TMEFF2: variants seen among roughly 807,000 people sequenced by gnomAD.
TMEFF2 encodes tomoregulin-2.
Under a neutral mutation model 53.8 loss-of-function variants are expected in TMEFF2, and 28 were observed. The ratio of observed to expected loss-of-function variants is 0.52; its 90% CI spans 0.39 to 0.71. TMEFF2 has a LOEUF of 0.71. Ranked by LOEUF, TMEFF2 falls within the 30% of genes least tolerant of loss-of-function variation. The pLI, the probability that TMEFF2 is intolerant of heterozygous loss-of-function variation, is 0.00. For synonymous variants in TMEFF2, 162 were observed against 166.3 expected (o/e 0.97, Z 0.20); for missense variants, 353 against 455.2 (o/e 0.78, Z 2.04).
At chr2:192,015,457 C>T (rs576766683) in intron 5 of TMEFF2, among the ~76,000 whole-genome samples, 1 of 151,948 alleles carries the variant, frequency 6.6e-6, no homozygotes, top group Admixed American at 6.6e-5. Context: ...AAGTCTGCAA[C>T]TGTGGCTAAA....
rs34553641 is a variant in TMEFF2 at position 192,114,064 on chromosome 2, TTGTGTGTGTGTGTGTGTG to T, written c.440-56307_440-56290del. ...AACAATATTGAATAAAATCTGGAAA[TTGTGTGTGTGTGTGTGTG>T]TGTGTGTGTGTGTGTGTGTGTGTGT... On this transcript the variant is annotated intron_variant, in intron 4 of 9. Transcript: ENST00000272771. Among the ~76,000 whole-genome samples, 522 of 143,164 alleles carry T rather than the reference TTGTGTGTGTGTGTGTGTG, an allele frequency of 3.6e-3. 2 individuals carry two copies. The highest frequency in any genetic ancestry group is 6.3e-3 in the Non-Finnish European group (412 of 65,026). 93.9% of individuals were successfully genotyped at this position (143,164 alleles called of 152,430 possible).
chr2:191,957,429 C>T (rs1444158422), intron 7 of TMEFF2, among the ~76,000 whole-genome samples: 2 of 152,044 alleles, frequency 1.3e-5, no homozygotes, highest in African/African-American at 4.8e-5. Flanking sequence ...TGGAAAATGG[C>T]AAATGAATTC....
intron 4 of TMEFF2, among the ~76,000 whole-genome samples, chr2:192,135,892 C>T (rs1003017024): frequency 6.6e-6 from 1 of 151,902 alleles, no homozygotes; most frequent in Admixed American, 6.6e-5. Context: ...GAAGCTCCCC[C>T]ACTGAGCACC....
chr2:192,171,902 T>C (rs1690923099), intron 4 of TMEFF2, among the ~76,000 whole-genome samples: 1 of 152,056 alleles, frequency 6.6e-6, no homozygotes, highest in African/African-American at 2.4e-5. Flanking sequence ...AGGTTAAGAA[T>C]TCTGTTATTT....
chr2:192,158,756 A>G (rs1690566316), intron 4 of TMEFF2, among the ~76,000 whole-genome samples: 1 of 152,152 alleles, frequency 6.6e-6, no homozygotes, highest in Admixed American at 6.6e-5. Context: ...AGAATGATCC[A>G]CTGAAATCAG....
At chr2:191,951,045 T>A (rs1322787191) in intron 9 of TMEFF2, among the ~76,000 whole-genome samples, 1 of 152,000 alleles carries the variant, frequency 6.6e-6, no homozygotes, top group Non-Finnish European at 1.5e-5. Flanking sequence ...CAAATGAGAA[T>A]AGTGGAAAGT....
At chr2:192,075,713 A>C (rs1269152971) in intron 4 of TMEFF2, among the ~76,000 whole-genome samples, 1 of 151,992 alleles carries the variant, frequency 6.6e-6, no homozygotes, top group Non-Finnish European at 1.5e-5. Flanking sequence ...AGCTGTCACT[A>C]ACATATTTTG....
At chr2:191,998,875 G>A (rs778402097) in intron 6 of TMEFF2, among the ~76,000 whole-genome samples, 185 bp downstream of exon 6, 14 of 151,824 alleles carry the variant, frequency 9.2e-5, no homozygotes, top group African/African-American at 3.4e-4. Flanking sequence ...AGATCTGGAC[G>A]GTTGCTGAGA....
At chr2:192,069,398 CA>C (rs374313098) in intron 4 of TMEFF2, among the ~76,000 whole-genome samples, 1 of 150,318 alleles carries the variant, frequency 6.7e-6, no homozygotes, top group Non-Finnish European at 1.5e-5. Context: ...TCATCACACA[CA>C]AAAAAAATAG....
chr2:192,014,755 A>G (rs1686707872), intron 5 of TMEFF2, among the ~76,000 whole-genome samples: 1 of 152,232 alleles, frequency 6.6e-6, no homozygotes, highest in African/African-American at 2.4e-5. Context: ...GAAAGCAAAT[A>G]AACTTGGGCC....
At chr2:191,980,883 A>C (rs1685837483) in intron 7 of TMEFF2, among the ~76,000 whole-genome samples, 1 of 152,056 alleles carries the variant, frequency 6.6e-6, no homozygotes, top group Non-Finnish European at 1.5e-5. Flanking sequence ...CTGACTTTCC[A>C]CTTCTCTTTG....
In TMEFF2 at chr2:191,994,497, A is replaced by G. The variant is rs911346228; in HGVS notation, c.745+3765T>C. ...AAAACAACACAATCAGAAAATATAC[A>G]TATATATACTGGATAAAGAAAAACA... On this transcript the variant is annotated intron_variant, in intron 7 of 9. Transcript: ENST00000272771. Among the ~76,000 whole-genome samples the G allele has an allele frequency of 2.0e-5, 3 of 151,680 alleles. No homozygotes were observed. In the Admixed American group the frequency reaches 2.0e-4, roughly 10 times the overall value.
intron 4 of TMEFF2, among the ~76,000 whole-genome samples, chr2:192,144,706 T>C (rs1236452886): frequency 1.3e-5 from 2 of 152,006 alleles, no homozygotes; most frequent in Non-Finnish European, 2.9e-5. Context: ...TAACAACAAG[T>C]GCAGGGTTGT....
At chr2:192,178,550 C>T (rs184946332) in intron 4 of TMEFF2, 43 of 150,984 alleles carry the variant, frequency 2.8e-4, no homozygotes, top group Non-Finnish European at 5.7e-4. Flanking sequence ...CAATCTGCTG[C>T]TGTTCAGTTT....
intron 7 of TMEFF2, among the ~76,000 whole-genome samples, chr2:191,964,406 TTCTTTC>T: frequency 9.5e-6 from 1 of 105,358 alleles, no homozygotes; most frequent in Non-Finnish European, 1.8e-5. Flanking sequence ...TTCTCTTTCT[TTCTTTC>T]TTTCTTTCTT....
chr2:191,990,416 A>ATGTGTGTGTGTGTGT (rs3219942), intron 7 of TMEFF2, among the ~76,000 whole-genome samples: 6 of 147,246 alleles, frequency 4.1e-5, no homozygotes, highest in African/African-American at 1.5e-4. Context: ...TGCTCAGAAT[A>ATGTGTGTGTGTGTGT]GTGTGTGTGT....
chr2:192,032,395 T>G (rs974204206), intron 5 of TMEFF2: 1 of 152,226 alleles, frequency 6.6e-6, no homozygotes, highest in Non-Finnish European at 1.5e-5. Context: ...CATGAGATGG[T>G]AAAACAAGAT....
intron 5 of TMEFF2, among the ~76,000 whole-genome samples, chr2:192,032,893 G>T (rs1215678766): frequency 6.6e-6 from 1 of 152,118 alleles, no homozygotes; most frequent in African/African-American, 2.4e-5. Context: ...AAATAAACCT[G>T]TTGTTTTTTT....
At chr2:192,166,001 T>A (rs1574428918) in intron 4 of TMEFF2, among the ~76,000 whole-genome samples, 2 of 152,294 alleles carry the variant, frequency 1.3e-5, no homozygotes, top group East Asian at 3.9e-4. Flanking sequence ...AGTCCTCGGG[T>A]GTTCACTGAA....
Sources: gnomAD v4.1 joint callset for allele counts (sites outside exome capture counted in the v4.1 genomes callset) on GRCh38, gnomAD v4.1.1 for gene constraint, MANE v1.5 for transcripts, NCBI Gene and HGNC (gene_info 2026-07-23, HGNC 2026-07-21) for gene names.